The following ETV1 variants were observed in gnomAD, a reference collection of about 807,000 sequenced individuals.
ETV1 encodes the protein ETS variant transcription factor 1.
ETV1 carries 27 observed loss-of-function variants against 62.3 expected under a neutral mutation model. That is an observed-to-expected ratio of 0.43 (90% CI 0.32 to 0.60). ETV1 has a LOEUF of 0.60. Ranked by LOEUF, ETV1 falls within the 20% of genes least tolerant of loss-of-function variation. ETV1 has a pLI of 0.06. For synonymous variants in ETV1, 222 were observed against 199.6 expected (o/e 1.11, Z -0.94); for missense variants, 605 against 605.8 (o/e 1.00, Z 0.01).
chr7:13,930,796 A>T (rs576001699), intron 9 of ETV1, among the ~76,000 whole-genome samples: 121 of 115,046 alleles, frequency 1.1e-3, no homozygotes, highest in African/African-American at 3.1e-3. Context: ...ACCAATATAT[A>T]TTTTTTTTTT....
chr7:13,939,377 G>A (rs1020236847), intron 6 of ETV1, 131 bp from the exon 7 acceptor site: 17 of 719,890 alleles, frequency 2.4e-5, no homozygotes, highest in African/African-American at 1.5e-4. Context: ...GAAAAATCAC[G>A]TTTGATGAAT....
chr7:13,957,064 C>CTATTTATT lies in ETV1; in HGVS notation c.236-17826_236-17819dup. ...TTACTGCTACGTAAACCTAAGTCAC[C>CTATTTATT]TATTTATTTATTTATTTATTTTTTA... On this transcript the variant is annotated intron_variant, in intron 6 of 13. Coordinates refer to ENST00000430479, the MANE Select transcript of ETV1 (RefSeq NM_004956.5). 2.0e-5 allele frequency among the ~76,000 whole-genome samples: 3 copies of CTATTTATT among 151,822 alleles called. No homozygotes were observed. The East Asian group carries it at 5.8e-4, about 29-fold the overall frequency.
intron 6 of ETV1, among the ~76,000 whole-genome samples, chr7:13,943,710 C>A (rs1787820648): frequency 6.6e-6 from 1 of 152,036 alleles, no homozygotes. Flanking sequence ...CATGCAAAAA[C>A]AGATGATCTC....
chr7:13,917,330 A>T (rs1338409867), intron 9 of ETV1, among the ~76,000 whole-genome samples: 1 of 143,110 alleles, frequency 7.0e-6, no homozygotes, highest in Non-Finnish European at 1.5e-5. Flanking sequence ...TTATTTATTT[A>T]TTTTGAGACG....
At chr7:13,921,672 A>C (rs1211913414) in intron 9 of ETV1, among the ~76,000 whole-genome samples, 2 of 152,194 alleles carry the variant, frequency 1.3e-5, no homozygotes, top group Non-Finnish European at 2.9e-5. Flanking sequence ...ATTATGACAA[A>C]TATTCAACCT....
In ETV1 at chr7:13,894,125, A is replaced by C. The variant is rs1044494936; in HGVS notation, c.*1741T>G. 4.3e-6 allele frequency: 1 copy of C among 232,412 alleles called. No individual in the cohort carries two copies. Among genetic ancestry groups the C allele is most frequent in the Non-Finnish European group, 8.5e-6 (1 of 117,792 alleles). 14.4% of individuals were successfully genotyped at this position (232,412 alleles called of 1,614,324 possible). ...CATGCTCATCACGAAATGCTTTTAC[A>C]ATAGGTTTATTTTGACTTTGTGTTT... On this transcript the variant is annotated 3_prime_UTR_variant, in exon 14 of 14. Transcript: ENST00000430479.
intron 13 of ETV1, among the ~76,000 whole-genome samples, chr7:13,897,470 A>T (rs1781966942): frequency 6.6e-6 from 1 of 152,210 alleles, no homozygotes; most frequent in Non-Finnish European, 1.5e-5. Flanking sequence ...AATTCAAATA[A>T]TCTGAATGTA....
At chr7:13,984,101 G>A (rs892281196) in intron 5 of ETV1, among the ~76,000 whole-genome samples, 1 of 151,716 alleles carries the variant, frequency 6.6e-6, no homozygotes, top group Non-Finnish European at 1.5e-5. Context: ...ATTATCATAT[G>A]ACATATGACA....
intron 5 of ETV1, chr7:13,986,197 G>A (rs1294223603): frequency 6.3e-7 from 1 of 1,581,006 alleles, no homozygotes; most frequent in African/African-American, 1.4e-5. Flanking sequence ...TGAACCCAGA[G>A]AAACTAATTT....
At chr7:13,953,095 T>C (rs1472824227) in intron 6 of ETV1, among the ~76,000 whole-genome samples, 1 of 152,126 alleles carries the variant, frequency 6.6e-6, no homozygotes, top group Non-Finnish European at 1.5e-5. Flanking sequence ...ACTGGTCCAG[T>C]AGATGGAAAG....
intron 9 of ETV1, among the ~76,000 whole-genome samples, chr7:13,930,785 C>T (rs1786020747): frequency 7.0e-6 from 1 of 143,396 alleles, no homozygotes; most frequent in South Asian, 2.3e-4. Flanking sequence ...GAATCTTTGC[C>T]ACCAATATAT....
chr7:13,910,496 AT>A, intron 10 of ETV1: 3 of 537,644 alleles, frequency 5.6e-6, no homozygotes, highest in Non-Finnish European at 7.1e-6. Context: ...AATATTTTAC[AT>A]TTACCATCTC....
intron 5 of ETV1, 38 bp from the exon 6 acceptor site, chr7:13,977,518 G>C (rs564671721): frequency 1.5e-6 from 2 of 1,376,960 alleles, no homozygotes; most frequent in African/African-American, 1.4e-5. Flanking sequence ...AATTAAGAGA[G>C]AAACTGCCAA....
At chr7:13,982,189 A>G (rs1377253508) in intron 5 of ETV1, among the ~76,000 whole-genome samples, 1 of 152,078 alleles carries the variant, frequency 6.6e-6, no homozygotes, top group Non-Finnish European at 1.5e-5. Context: ...TTGAAAACTT[A>G]AGGGAAGCTC....
chr7:13,897,707 T>G (rs1325575563), intron 13 of ETV1, among the ~76,000 whole-genome samples: 1 of 152,110 alleles, frequency 6.6e-6, no homozygotes, highest in Non-Finnish European at 1.5e-5. Flanking sequence ...ATTAAGATCT[T>G]AAAGGTGAAA....
rs1310612544 is a variant in ETV1, at chr7:13,895,866, T to C, written c.1434A>G (p.Ter478=). The C allele has an allele frequency of 6.2e-7, 1 of 1,611,868 alleles. No individual in the cohort carries two copies. The highest frequency in any genetic ancestry group is 1.1e-5 in the South Asian group (1 of 90,792). Residue 478 remains the stop codon, a stop_retained_variant, in exon 14 of 14, where the codon TAA becomes TAG. Coordinates refer to ENST00000430479, the MANE Select transcript of ETV1 (RefSeq NM_004956.5). ...ACGCCCTGCTTGACTGTCACTTGTG[T>C]TAATACACGTAGCCTTCGTTGTAGG... ...PHPYNEGYVY[*] is the part of the protein sequence containing the mutation.
chr7:13,986,463 GC>G, intron 5 of ETV1, 174 bp downstream of exon 5: 1 of 1,504,342 alleles, frequency 6.6e-7, no homozygotes, highest in Middle Eastern at 1.7e-4. Flanking sequence ...GGGTAGTACA[GC>G]CCCAGAGTCC....
intron 3 of ETV1, 74 bp from the exon 4 acceptor site, chr7:13,988,247 C>A (rs932552736): frequency 5.2e-5 from 44 of 848,066 alleles, no homozygotes; most frequent in Middle Eastern, 2.2e-4. Context: ...CGCGCGCACA[C>A]ACACACACAC....
At chr7:13,927,548 T>C (rs1464124711) in intron 9 of ETV1, among the ~76,000 whole-genome samples, 2 of 152,136 alleles carry the variant, frequency 1.3e-5, no homozygotes, top group Non-Finnish European at 1.5e-5. Context: ...TCAACACCAA[T>C]AGGTGAAAAA....
Sources: allele counts gnomAD v4.1 joint callset (sites outside exome capture counted in the v4.1 genomes callset), GRCh38; gene constraint gnomAD v4.1.1; transcripts MANE v1.5; gene names NCBI Gene and HGNC (gene_info 2026-07-23, HGNC 2026-07-21).